The following ARHGAP22 variants were observed in gnomAD, a reference collection of about 807,000 sequenced individuals.
ARHGAP22 encodes Rho GTPase activating protein 22.
In ARHGAP22, 48 loss-of-function variants were observed where a neutral mutation model predicts 59.1. That is an observed-to-expected ratio of 0.81 (90% confidence interval 0.64 to 1.03). The LOEUF (loss-of-function observed/expected upper bound fraction) is 1.03, where lower values mean the gene tolerates loss of function less well. ARHGAP22 is among the 50% of genes least tolerant of loss of function. The pLI is 0.00. For synonymous variants in ARHGAP22, 445 were observed against 416.4 expected, an observed-to-expected ratio of 1.07 and a Z score of -0.84; for missense variants, 1,015 against 958.7, an observed-to-expected ratio of 1.06 and a Z score of -0.78.
chr10:48,595,149 C>A (rs2059992736), intron 1 of ARHGAP22, among the ~76,000 whole-genome samples: 1 of 152,142 alleles, frequency 6.6e-6, no homozygotes, highest in Admixed American at 6.5e-5. Context: ...GTGAGTGCAG[C>A]CCCTAGAGCA....
At chr10:48,550,173 T>C (rs117665829) in intron 3 of ARHGAP22, among the ~76,000 whole-genome samples, 1 of 152,340 alleles carries the variant, frequency 6.6e-6, no homozygotes, top group East Asian at 1.9e-4. Context: ...GCAGGGTCGT[T>C]GTCACTTTAT....
chr10:48,555,330 C>A (rs2057222143), intron 3 of ARHGAP22, 133 bp downstream of exon 3: 1 of 805,420 alleles, frequency 1.2e-6, no homozygotes, highest in African/African-American at 1.7e-5. Context: ...ATTTGGCCCA[C>A]ATTTCCGAGT....
intron 1 of ARHGAP22, among the ~76,000 whole-genome samples, chr10:48,589,545 T>C (rs2059628681): frequency 6.6e-6 from 1 of 152,058 alleles, no homozygotes; most frequent in Non-Finnish European, 1.5e-5. Flanking sequence ...TCAACATGTC[T>C]CTCCCCAACC....
Position 48,454,069 on chromosome 10 carries a change from C to T in ARHGAP22, c.866+19G>A, listed in dbSNP as rs543405770. ...AGCCAGTGCAGGAAAGTGTGGTTCC[C>T]TCCTGCCAAGCCGCTTACTTGCAGA... On this transcript the variant is annotated intron_variant, in intron 7 of 9. Transcript: ENST00000249601. 3.1e-6 allele frequency: 5 copies of T among 1,611,878 alleles called. No individual in the cohort carries two copies. In the African/African-American group the frequency reaches 6.7e-5, roughly 21 times the overall value.
intron 3 of ARHGAP22, among the ~76,000 whole-genome samples, chr10:48,529,091 G>GGA (rs1274461084): frequency 2.6e-5 from 4 of 152,172 alleles, no homozygotes; most frequent in Admixed American, 1.3e-4. Flanking sequence ...CTTGGGTCAG[G>GGA]GGAGTCACAA....
chr10:48,492,197 G>A (rs1238232734), intron 3 of ARHGAP22, among the ~76,000 whole-genome samples: 1 of 152,212 alleles, frequency 6.6e-6, no homozygotes, highest in African/African-American at 2.4e-5. Flanking sequence ...TGAAAAAGTT[G>A]TCAATTGATC....
At chr10:48,472,510 C>G (rs1037926902) in intron 4 of ARHGAP22, among the ~76,000 whole-genome samples, 1 of 151,902 alleles carries the variant, frequency 6.6e-6, no homozygotes, top group East Asian at 1.9e-4. Context: ...GGCAACAGAG[C>G]GAGACTCTGT....
At chr10:48,527,305 A>G (rs952668500) in intron 3 of ARHGAP22, among the ~76,000 whole-genome samples, 1 of 151,932 alleles carries the variant, frequency 6.6e-6, no homozygotes, top group Non-Finnish European at 1.5e-5. Flanking sequence ...AGGTGAATAG[A>G]TGGATGGATG....
At chr10:48,622,173 G>C (rs564561920) in intron 1 of ARHGAP22, among the ~76,000 whole-genome samples, 2 of 152,176 alleles carry the variant, frequency 1.3e-5, no homozygotes, top group South Asian at 4.1e-4. Flanking sequence ...ACTTACTTTT[G>C]TTATTTTGCT....
intron 3 of ARHGAP22, among the ~76,000 whole-genome samples, chr10:48,539,492 C>T (rs2055718126): frequency 6.6e-6 from 1 of 151,256 alleles, no homozygotes; most frequent in Non-Finnish European, 1.5e-5. Context: ...GGGGTTTCAC[C>T]GTTTTAGCCG....
intron 1 of ARHGAP22, among the ~76,000 whole-genome samples, chr10:48,602,301 T>C (rs900987101): frequency 1.3e-5 from 2 of 152,204 alleles, no homozygotes; most frequent in African/African-American, 4.8e-5. Context: ...CTACAGGAGA[T>C]GGTTAAAGCT....
intron 3 of ARHGAP22, among the ~76,000 whole-genome samples, chr10:48,520,134 C>T (rs67372461): frequency 0.19 from 28,205 of 151,982 alleles, 2,906 homozygotes; most frequent in Non-Finnish European, 0.24. Flanking sequence ...AGTGGGAGTG[C>T]GGGACTGCAC....
At chr10:48,502,790 G>A (rs749396160) in intron 3 of ARHGAP22, among the ~76,000 whole-genome samples, 1 of 152,170 alleles carries the variant, frequency 6.6e-6, no homozygotes, top group Non-Finnish European at 1.5e-5. Flanking sequence ...GGTCTACCAT[G>A]TGCCAGACAC....
chr10:48,643,304 G>A (rs182017798), intron 1 of ARHGAP22, among the ~76,000 whole-genome samples: 45 of 151,996 alleles, frequency 3.0e-4, no homozygotes, highest in Non-Finnish European at 5.3e-4. Flanking sequence ...CAATAAACAC[G>A]CATGTTTATT....
In ARHGAP22 at chr10:48,541,685, G is replaced by A. The variant is rs1489809838; in HGVS notation, c.322+13778C>T. The stretch of plus-strand genomic sequence containing the variant: ...AGAGAGAGGCTGGGCCAGTGCACTG[G>A]AGTATAGACCATGTTATGCACCCAG... On this transcript the variant is annotated intron_variant, in intron 3 of 9. Transcript: ENST00000249601. Among the ~76,000 whole-genome samples, 6 of 152,322 alleles carry A rather than the reference G, an allele frequency of 3.9e-5. No homozygotes were observed. In the East Asian group the frequency reaches 1.2e-3, roughly 29 times the overall value.
intron 1 of ARHGAP22, among the ~76,000 whole-genome samples, chr10:48,594,664 T>C (rs1333224053): frequency 6.6e-6 from 1 of 152,200 alleles, no homozygotes; most frequent in Admixed American, 6.5e-5. Context: ...TACTGGAGCC[T>C]GTTTTGCCCA....
At chr10:48,504,068 G>A (rs2051819389) in intron 3 of ARHGAP22, among the ~76,000 whole-genome samples, 1 of 152,128 alleles carries the variant, frequency 6.6e-6, no homozygotes. Context: ...GGGATGGGAA[G>A]GAGGGAGAGC....
chr10:48,590,764 C>T (rs1332020984), intron 1 of ARHGAP22, among the ~76,000 whole-genome samples: 3 of 150,882 alleles, frequency 2.0e-5, no homozygotes, highest in Middle Eastern at 3.2e-3. Flanking sequence ...CTGGCCTGGC[C>T]GTCCTGGGGA....
At chr10:48,624,282 A>G (rs190036875) in intron 1 of ARHGAP22, 1 of 152,398 alleles carries the variant, frequency 6.6e-6, no homozygotes, top group Admixed American at 6.5e-5. Flanking sequence ...TCTGCTAAAA[A>G]TACAAAAAAA....
Sources: allele counts gnomAD v4.1 joint callset (sites outside exome capture counted in the v4.1 genomes callset), GRCh38; gene constraint gnomAD v4.1.1; transcripts MANE v1.5; gene names NCBI Gene and HGNC (gene_info 2026-07-23, HGNC 2026-07-21).